The following ZMYM2 variants were observed in gnomAD, a reference collection of about 807,000 sequenced individuals.
ZMYM2 encodes zinc finger MYM-type protein 2.
Under a neutral mutation model 162.8 loss-of-function variants are expected in ZMYM2, and 56 were observed. The observed-to-expected ratio is 0.34, with a 90% CI of 0.28 to 0.43. The LOEUF is 0.43. Ranked by LOEUF, ZMYM2 falls within the 20% of genes least tolerant of loss-of-function variation. The pLI is 1.00. For missense variants in ZMYM2, 1,275 were observed against 1,621.8 expected, an observed-to-expected ratio of 0.79 and a Z score of 3.67; for synonymous variants, 510 against 541.6, an observed-to-expected ratio of 0.94 and a Z score of 0.81.
chr13:19,914,497 G>A, the ZMYM2 span, among the ~76,000 whole-genome samples: 1 of 152,232 alleles, frequency 6.6e-6, no homozygotes, highest in East Asian at 1.9e-4. Flanking sequence ...CCAACACTGA[G>A]TCCCTGATAT....
At chr13:19,873,117 T>C in the ZMYM2 span, among the ~76,000 whole-genome samples, 1 of 152,184 alleles carries the variant, frequency 6.6e-6, no homozygotes, top group Non-Finnish European at 1.5e-5. Context: ...AACAAGAGCA[T>C]TGCAGCCATA....
the ZMYM2 span, among the ~76,000 whole-genome samples, chr13:19,890,882 A>AT: frequency 2.0e-5 from 3 of 151,806 alleles, no homozygotes; most frequent in Non-Finnish European, 4.4e-5. Flanking sequence ...AAAAAAAAAA[A>AT]AAAATTCAGC....
chr13:20,055,419 T>C (rs1226377998), intron 14 of ZMYM2, among the ~76,000 whole-genome samples: 2 of 152,158 alleles, frequency 1.3e-5, no homozygotes, highest in Admixed American at 6.5e-5. Context: ...TGTAAACAAG[T>C]GTCCTTTTCT....
the ZMYM2 span, among the ~76,000 whole-genome samples, chr13:19,898,932 C>CTT: frequency 4.5e-5 from 6 of 134,592 alleles, no homozygotes; most frequent in African/African-American, 5.4e-5. Flanking sequence ...GACCCCACTT[C>CTT]TTTTTTTTTT....
At chr13:19,987,620 CGTGTGTGTGTGTGTGTGTGT>C (rs756005409) in intron 2 of ZMYM2, among the ~76,000 whole-genome samples, 135 of 121,360 alleles carry the variant, frequency 1.1e-3, no homozygotes, top group African/African-American at 3.9e-3. Flanking sequence ...GGGGTTTTGT[CGTGTGTGTGTGTGTGTGTGT>C]GTGTGTGTGT....
intron 14 of ZMYM2, among the ~76,000 whole-genome samples, chr13:20,056,628 G>C (rs1955816890): frequency 6.6e-6 from 1 of 152,178 alleles, no homozygotes; most frequent in East Asian, 1.9e-4. Flanking sequence ...GTATAAAGCA[G>C]TCCATTGATA....
chr13:20,072,093 G>A (rs1957130163), intron 21 of ZMYM2: 1 of 162,122 alleles, frequency 6.2e-6, no homozygotes, highest in Non-Finnish European at 1.4e-5. Flanking sequence ...GAAATTCACT[G>A]TTTCCAGCCC....
intron 12 of ZMYM2, among the ~76,000 whole-genome samples, chr13:20,042,612 G>A (rs1475747629): frequency 6.6e-6 from 1 of 152,116 alleles, no homozygotes; most frequent in Non-Finnish European, 1.5e-5. Context: ...GAAGAAAGAA[G>A]GCACTCTGGC....
chr13:19,966,850 T>A lies in ZMYM2; in HGVS notation c.-11+6824T>A, dbSNP rs1411800807. On this transcript the variant is annotated intron_variant, in intron 2 of 24. Coordinates refer to ENST00000610343, the MANE Select transcript of ZMYM2 (RefSeq NM_197968.4). ...AGCTTTATAACTTTACTATGAATAT[T>A]GTCTCACTTTATTTTGATTTTTGTC... Among the ~76,000 whole-genome samples the A allele has an allele frequency of 5.3e-5, 8 of 152,352 alleles. No individual in the cohort carries two copies. In the East Asian group the frequency reaches 1.5e-3, roughly 29 times the overall value.
Position 19,985,862 on chromosome 13 carries a change from T to C in ZMYM2, c.-10-7201T>C, listed in dbSNP as rs142436232. Reference sequence around the variant, plus strand: ...CTATACTACAGCCTGGGCAACAGAGTGAGACTCTGTCTCAAAAATAAATAA... The same window carrying C: ...CTATACTACAGCCTGGGCAACAGAGCGAGACTCTGTCTCAAAAATAAATAA... On this transcript the variant is annotated intron_variant, in intron 2 of 24. Transcript: ENST00000610343. 6.6e-4 allele frequency among the ~76,000 whole-genome samples: 99 copies of C among 150,506 alleles called. 2 individuals carry two copies. The East Asian group carries it at 0.017, about 25-fold the overall frequency.
chr13:20,036,558 T>C (rs536379515), intron 11 of ZMYM2, among the ~76,000 whole-genome samples, 179 bp from the exon 12 acceptor site: 1 of 152,316 alleles, frequency 6.6e-6, no homozygotes, highest in South Asian at 2.1e-4. Context: ...TTAGATAATA[T>C]GTTATCTAAT....
intron 21 of ZMYM2, among the ~76,000 whole-genome samples, chr13:20,075,714 C>A (rs1032496946): frequency 8.7e-6 from 1 of 114,454 alleles, no homozygotes; most frequent in Non-Finnish European, 1.6e-5. Flanking sequence ...GAGACAGAGT[C>A]TCTATCGCCC....
chr13:19,952,743 A>G, the ZMYM2 span, among the ~76,000 whole-genome samples: 1 of 152,140 alleles, frequency 6.6e-6, no homozygotes, highest in Non-Finnish European at 1.5e-5. Context: ...CCAAAGGATG[A>G]GAAGATTATA....
At chr13:19,881,621 CAATAAAAAATAAAA>C in the ZMYM2 span, among the ~76,000 whole-genome samples, 1 of 150,422 alleles carries the variant, frequency 6.6e-6, no homozygotes, top group African/African-American at 2.5e-5. Flanking sequence ...GACTCAGTCT[CAATAAAAAATAAAA>C]AATAAAAAAT....
At chr13:20,015,628 GTTAA>G (rs1188388234) in intron 6 of ZMYM2, among the ~76,000 whole-genome samples, 2 of 151,976 alleles carry the variant, frequency 1.3e-5, no homozygotes, top group African/African-American at 4.8e-5. Flanking sequence ...TTTTACGTCT[GTTAA>G]TTTATTTAAG....
intron 3 of ZMYM2, among the ~76,000 whole-genome samples, chr13:19,996,155 G>C (rs940729231): frequency 9.9e-5 from 15 of 152,124 alleles, no homozygotes; most frequent in African/African-American, 3.6e-4. Context: ...CATTATCCTA[G>C]GGATTGTGGA....
At chr13:20,055,797 A>ATT (rs570651983) in intron 14 of ZMYM2, among the ~76,000 whole-genome samples, 64 of 148,624 alleles carry the variant, frequency 4.3e-4, no homozygotes, top group African/African-American at 1.4e-3. Context: ...ATTATGACCA[A>ATT]TTTTTTTTTT....
the ZMYM2 span, among the ~76,000 whole-genome samples, chr13:19,906,712 A>G: frequency 6.6e-6 from 1 of 151,802 alleles, no homozygotes; most frequent in Non-Finnish European, 1.5e-5. Flanking sequence ...AGGCTGAACC[A>G]TCATACCTAG....
At chr13:19,982,281 C>CT (rs56165263) in intron 2 of ZMYM2, among the ~76,000 whole-genome samples, 40,500 of 83,958 alleles carry the variant, frequency 0.48, 10,683 homozygotes, top group Non-Finnish European at 0.62. Flanking sequence ...TATTAGCTGT[C>CT]TTTTTTTTTT....
Sources: allele counts gnomAD v4.1 joint callset (sites outside exome capture counted in the v4.1 genomes callset), GRCh38; gene constraint gnomAD v4.1.1; transcripts MANE v1.5; gene names NCBI Gene and HGNC (gene_info 2026-07-23, HGNC 2026-07-21).